Variants in ZSWIM6 observed in about 807,000 individuals in gnomAD.
The protein encoded by ZSWIM6 is zinc finger SWIM-type containing 6, also known as zinc finger SWIM domain-containing protein 6.
A neutral mutation model predicts 113.2 loss-of-function variants in ZSWIM6; 9 were observed. That is an observed-to-expected ratio of 0.08 (90% CI 0.05 to 0.14). The LOEUF (loss-of-function observed/expected upper bound fraction) is 0.14. Ranked by LOEUF, ZSWIM6 falls within the 10% of genes least tolerant of loss-of-function variation. The pLI is 1.00. For missense variants in ZSWIM6, 1,162 were observed against 1,552.2 expected, an observed-to-expected ratio of 0.75 and a Z score of 4.22; for synonymous variants, 611 against 606.5, an observed-to-expected ratio of 1.01 and a Z score of -0.11.
intron 1 of ZSWIM6, among the ~76,000 whole-genome samples, chr5:61,380,478 C>T (rs953315399): frequency 6.6e-6 from 1 of 152,162 alleles, no homozygotes; most frequent in Non-Finnish European, 1.5e-5. Context: ...TTTGCCAGTA[C>T]TAATATGTAG....
In ZSWIM6 at chr5:61,399,742, C is replaced by T. The variant is rs112551235; in HGVS notation, c.676+66794C>T. On this transcript the variant is annotated intron_variant, in intron 1 of 13. Coordinates refer to ENST00000252744, the MANE Select transcript of ZSWIM6 (RefSeq NM_020928.2). ...TGGTTTCTCCAATTTCTACTTCCCA[C>T]GTCTGAATGAACTTGTAAGAAGAAA... Among the ~76,000 whole-genome samples the T allele has an allele frequency of 1.4e-4, 22 of 152,304 alleles. 2 individuals are homozygous for T. Among genetic ancestry groups the T allele is most frequent in the East Asian group, 1.9e-4 (1 of 5,184 alleles).
At chr5:61,365,237 A>G (rs1173590776) in intron 1 of ZSWIM6, among the ~76,000 whole-genome samples, 1 of 152,052 alleles carries the variant, frequency 6.6e-6, no homozygotes, top group African/African-American at 2.4e-5. Context: ...TTGTAGTCCC[A>G]GCTGTTTGGG....
At chr5:61,477,781 C>A (rs1485247355) in intron 2 of ZSWIM6, among the ~76,000 whole-genome samples, 1 of 152,180 alleles carries the variant, frequency 6.6e-6, no homozygotes, top group African/African-American at 2.4e-5. Context: ...GAAACTGTGG[C>A]CTCTGTATCC....
At chr5:61,337,868 G>A (rs1424836523) in intron 1 of ZSWIM6, among the ~76,000 whole-genome samples, 1 of 151,996 alleles carries the variant, frequency 6.6e-6, no homozygotes, top group South Asian at 2.1e-4. Context: ...TTTATGGTTG[G>A]GTTTTTCTTA....
intron 7 of ZSWIM6, among the ~76,000 whole-genome samples, 161 bp downstream of exon 7, chr5:61,526,557 C>T (rs377424540): frequency 2.0e-5 from 3 of 151,402 alleles, no homozygotes; most frequent in South Asian, 2.1e-4. Context: ...AAATTTGGGG[C>T]ATCTTTTTCT....
intron 1 of ZSWIM6, among the ~76,000 whole-genome samples, chr5:61,357,443 C>T (rs1420374819): frequency 6.6e-6 from 1 of 151,990 alleles, no homozygotes; most frequent in Admixed American, 6.6e-5. Flanking sequence ...GGAAGCAATG[C>T]AGCCATTGCT....
chr5:61,332,881 G>C lies in ZSWIM6; in HGVS notation c.609G>C (p.Thr203=), dbSNP rs1331897836. The stretch of plus-strand genomic sequence containing the variant: ...GGGCGGCGGACGGCGGCGACGAGAC[G>C]CGGCTGCCTTTCCGCCGGGGCATCG... ...AAGAADGGDE[T]RLPFRRGIAL... is the part of the protein sequence containing the mutation. Residue 203 remains threonine, a synonymous_variant, in exon 1 of 14, where the codon ACG becomes ACC. Transcript: ENST00000252744. The C allele has an allele frequency of 1.5e-6, 2 of 1,307,500 alleles. No homozygotes were observed. Among genetic ancestry groups the C allele is most frequent in the Non-Finnish European group, 2.0e-6 (2 of 1,011,782 alleles). 81.0% of individuals were successfully genotyped at this position (1,307,500 alleles called of 1,614,324 possible).
At chr5:61,537,136 A>G (rs1336267909) in intron 10 of ZSWIM6, among the ~76,000 whole-genome samples, 1 of 152,230 alleles carries the variant, frequency 6.6e-6, no homozygotes, top group East Asian at 1.9e-4. Context: ...AAAATAGCAT[A>G]AAGTTTCTGT....
intron 1 of ZSWIM6, among the ~76,000 whole-genome samples, chr5:61,441,598 G>A (rs1467161617): frequency 6.6e-6 from 1 of 152,118 alleles, no homozygotes; most frequent in African/African-American, 2.4e-5. Flanking sequence ...AGGAAATTAA[G>A]GCTTAATTGG....
chr5:61,437,953 G>A (rs1746744661), intron 1 of ZSWIM6, among the ~76,000 whole-genome samples: 1 of 151,656 alleles, frequency 6.6e-6, no homozygotes, highest in African/African-American at 2.4e-5. Context: ...GTATCACTTA[G>A]GTTTGATTAG....
intron 4 of ZSWIM6, among the ~76,000 whole-genome samples, chr5:61,517,422 T>C (rs1748979431): frequency 6.6e-6 from 1 of 152,152 alleles, no homozygotes; most frequent in African/African-American, 2.4e-5. Flanking sequence ...ATCCAGTTAA[T>C]TTTTAATTTC....
At chr5:61,365,067 C>G (rs1745122443) in intron 1 of ZSWIM6, among the ~76,000 whole-genome samples, 1 of 152,110 alleles carries the variant, frequency 6.6e-6, no homozygotes, top group African/African-American at 2.4e-5. Flanking sequence ...GTGACACATG[C>G]CAGGCACAGT....
At chr5:61,383,081 C>A (rs541326117) in intron 1 of ZSWIM6, among the ~76,000 whole-genome samples, 1 of 152,320 alleles carries the variant, frequency 6.6e-6, no homozygotes, top group African/African-American at 2.4e-5. Context: ...TCCAAAAAGT[C>A]TGGACACACA....
At chr5:61,471,000 C>T (rs1011310503) in intron 1 of ZSWIM6, among the ~76,000 whole-genome samples, 1 of 152,184 alleles carries the variant, frequency 6.6e-6, no homozygotes, top group Non-Finnish European at 1.5e-5. Flanking sequence ...GTCTGGCCAT[C>T]ATTCTTGAGT....
At chr5:61,380,354 G>T (rs1745449966) in intron 1 of ZSWIM6, among the ~76,000 whole-genome samples, 1 of 152,190 alleles carries the variant, frequency 6.6e-6, no homozygotes, top group South Asian at 2.1e-4. Context: ...GGCATTACAG[G>T]CATGAGCCAC....
chr5:61,521,355 G>C lies in ZSWIM6; in HGVS notation c.1426G>C (p.Asp476His). The C allele has an allele frequency of 5.2e-6, 8 of 1,531,754 alleles. No homozygotes were observed. Among genetic ancestry groups the C allele is most frequent in the Non-Finnish European group, 7.0e-6 (8 of 1,137,992 alleles). 94.9% of individuals were successfully genotyped at this position (1,531,754 alleles called of 1,614,324 possible). A position where few individuals can be genotyped will look rare whatever the true frequency, so the allele number is the denominator to read the frequency against. Residue 476 changes from aspartate (D) to histidine (H), a missense_variant, in exon 5 of 14, where the codon GAT (aspartate) becomes CAT (histidine). By Grantham distance (81) the Asp-to-His change is moderately conservative (BLOSUM62 -1). Transcript: ENST00000252744. The stretch of plus-strand genomic sequence containing the variant: ...ACAGCTGAAGAAATGGAATAGTGTT[G>C]ATGTCTGTCCATGGGAAGATGGAAA... ...LKQLKKWNSVDVCPWEDGNHG... is the reference protein window; with the variant it reads ...LKQLKKWNSVHVCPWEDGNHG...
intron 4 of ZSWIM6, among the ~76,000 whole-genome samples, chr5:61,512,892 C>A (rs901071559): frequency 6.6e-6 from 1 of 151,924 alleles, no homozygotes; most frequent in South Asian, 2.1e-4. Context: ...CCCCTTCCCC[C>A]GAGCTTATGC....
intron 1 of ZSWIM6, among the ~76,000 whole-genome samples, chr5:61,348,226 C>CA (rs2112035851): frequency 6.6e-6 from 1 of 151,856 alleles, no homozygotes; most frequent in South Asian, 2.1e-4. Context: ...CTCAAAAAAA[C>CA]AAAAAACAAA....
chr5:61,481,745 T>G (rs1029966803), intron 2 of ZSWIM6, among the ~76,000 whole-genome samples: 1 of 152,080 alleles, frequency 6.6e-6, no homozygotes, highest in Non-Finnish European at 1.5e-5. Context: ...GCTTTCTGCC[T>G]GTGACATTAC....
Sources: gnomAD v4.1 joint callset for allele counts (sites outside exome capture counted in the v4.1 genomes callset) on GRCh38, gnomAD v4.1.1 for gene constraint, MANE v1.5 for transcripts, NCBI Gene and HGNC (gene_info 2026-07-23, HGNC 2026-07-21) for gene names.